The following VAT1L variants were observed in gnomAD, a reference collection of about 807,000 sequenced individuals.
VAT1L encodes the protein putative NADPH-dependent quinone oxidoreductase VAT1L.
Under a neutral mutation model 44.1 loss-of-function variants are expected in VAT1L, and 34 were observed. That is an observed-to-expected ratio of 0.77 (90% CI 0.59 to 1.03). The LOEUF is 1.03. Ranked by LOEUF, VAT1L falls within the 50% of genes least tolerant of loss-of-function variation. The pLI is 0.00. For missense variants in VAT1L, 615 were observed against 538.8 expected (o/e 1.14, Z -1.40); for synonymous variants, 253 against 202.2 (o/e 1.25, Z -2.13).
At chr16:77,968,219 G>A (rs1185536455) in intron 7 of VAT1L, among the ~76,000 whole-genome samples, 1 of 152,118 alleles carries the variant, frequency 6.6e-6, no homozygotes, top group Non-Finnish European at 1.5e-5. Flanking sequence ...CAATTGGGGT[G>A]TTACAGGAAA....
intron 7 of VAT1L, among the ~76,000 whole-genome samples, chr16:77,954,637 T>C (rs1458168594): frequency 6.6e-6 from 1 of 152,048 alleles, no homozygotes; most frequent in Non-Finnish European, 1.5e-5. Flanking sequence ...AAATAAATAA[T>C]AAATAAATGG....
chr16:77,910,516 C>CA (rs944104037), intron 7 of VAT1L, among the ~76,000 whole-genome samples: 4 of 151,664 alleles, frequency 2.6e-5, no homozygotes, highest in Non-Finnish European at 4.4e-5. Context: ...ACTAAAAATA[C>CA]AAAAAATATT....
At chr16:77,874,209 G>A (rs1239257681) in intron 4 of VAT1L, among the ~76,000 whole-genome samples, 1 of 152,132 alleles carries the variant, frequency 6.6e-6, no homozygotes, top group Admixed American at 6.5e-5. Context: ...GCATCCTGCA[G>A]GCAAGGGGAG....
chr16:77,805,118 C>G (rs2016132613), intron 1 of VAT1L, among the ~76,000 whole-genome samples: 1 of 152,154 alleles, frequency 6.6e-6, no homozygotes, highest in Non-Finnish European at 1.5e-5. Context: ...TTTCCAGCCT[C>G]TGATTGAACA....
At chr16:77,791,551 A>C (rs2966072) in intron 1 of VAT1L, among the ~76,000 whole-genome samples, 139,742 of 152,258 alleles carry the variant, frequency 0.92, 64,169 homozygotes, top group East Asian at 0.99. Flanking sequence ...AAACATCAAA[A>C]AATAGTAGAC....
At chr16:77,924,603 T>C (rs1481240494) in intron 7 of VAT1L, among the ~76,000 whole-genome samples, 1 of 151,970 alleles carries the variant, frequency 6.6e-6, no homozygotes, top group Non-Finnish European at 1.5e-5. Flanking sequence ...TGGGATTACA[T>C]ACGTATGCCA....
intron 7 of VAT1L, among the ~76,000 whole-genome samples, chr16:77,885,744 C>T (rs190657412): frequency 2.6e-4 from 40 of 151,876 alleles, no homozygotes; most frequent in Middle Eastern, 3.4e-3. Context: ...ATAACAAGTA[C>T]GAAAGTTCTA....
intron 1 of VAT1L, among the ~76,000 whole-genome samples, chr16:77,789,685 C>T (rs1275139228): frequency 6.6e-6 from 1 of 152,154 alleles, no homozygotes; most frequent in Non-Finnish European, 1.5e-5. Context: ...TCCTCTGTTT[C>T]TCCGAGAGGG....
chr16:77,843,788 A>G (rs944999001), intron 3 of VAT1L, among the ~76,000 whole-genome samples: 2 of 152,182 alleles, frequency 1.3e-5, no homozygotes, highest in African/African-American at 2.4e-5. Flanking sequence ...CATACAACCT[A>G]TGCTCACTCA....
At chr16:77,973,613 G>A (rs1038918766) in intron 8 of VAT1L, among the ~76,000 whole-genome samples, 9 of 151,352 alleles carry the variant, frequency 5.9e-5, no homozygotes, top group African/African-American at 1.7e-4. Flanking sequence ...AAAAATATTC[G>A]GGAAGTGTTT....
At chr16:77,802,347 T>C (rs555429762) in intron 1 of VAT1L, among the ~76,000 whole-genome samples, 187 of 152,258 alleles carry the variant, frequency 1.2e-3, no homozygotes, top group African/African-American at 4.4e-3. Context: ...CGGGGCACCG[T>C]GGCCCACGCC....
At position 77,967,903 on chromosome 16, in the gene VAT1L, C is replaced by T. The variant is rs72796801; in HGVS notation, c.1078-3947C>T. Among the ~76,000 whole-genome samples, 739 of 152,202 alleles carry T rather than the reference C, an allele frequency of 4.9e-3. 1 individual carries two copies. Among genetic ancestry groups the T allele is most frequent in the Non-Finnish European group, 7.6e-3 (519 of 68,002 alleles). On this transcript the variant is annotated intron_variant, in intron 7 of 8. Coordinates refer to ENST00000302536, the MANE Select transcript of VAT1L (RefSeq NM_020927.3). ...GTCAAACAAAGCAGTACGGACTAGG[C>T]AGAACTGGGAAAGAGCTTTAGTTTT...
chr16:77,821,313 T>C (rs922785064), intron 2 of VAT1L, among the ~76,000 whole-genome samples: 41 of 151,784 alleles, frequency 2.7e-4, no homozygotes, highest in Middle Eastern at 3.2e-3. Context: ...TTTTTTTTTT[T>C]TTTCGAGATG....
At chr16:77,924,812 T>C (rs189655302) in intron 7 of VAT1L, among the ~76,000 whole-genome samples, 2 of 152,248 alleles carry the variant, frequency 1.3e-5, no homozygotes, top group East Asian at 3.9e-4. Flanking sequence ...CCTTCAATTT[T>C]TCCCCCTCTG....
intron 7 of VAT1L, among the ~76,000 whole-genome samples, chr16:77,889,913 C>T (rs1298575623): frequency 6.6e-6 from 1 of 151,930 alleles, no homozygotes; most frequent in Non-Finnish European, 1.5e-5. Context: ...AGGGTGAAGC[C>T]CCATCTCTAC....
At chr16:77,940,925 C>A (rs1287069365) in intron 7 of VAT1L, among the ~76,000 whole-genome samples, 2 of 152,290 alleles carry the variant, frequency 1.3e-5, no homozygotes, top group Non-Finnish European at 1.5e-5. Context: ...TCTGCTTTAA[C>A]ACCTCTTGAA....
At chr16:77,840,792 C>G (rs2016696585) in intron 3 of VAT1L, among the ~76,000 whole-genome samples, 1 of 152,176 alleles carries the variant, frequency 6.6e-6, no homozygotes, top group Non-Finnish European at 1.5e-5. Flanking sequence ...TCCTTCACCT[C>G]TCGAAGTCTC....
At chr16:77,942,339 C>T (rs1422708448) in intron 7 of VAT1L, among the ~76,000 whole-genome samples, 1 of 152,156 alleles carries the variant, frequency 6.6e-6, no homozygotes. Flanking sequence ...TTAGTTACCT[C>T]CCCCTGGTTC....
chr16:77,927,687 C>T (rs1401437791), intron 7 of VAT1L, among the ~76,000 whole-genome samples: 1 of 151,992 alleles, frequency 6.6e-6, no homozygotes, highest in Non-Finnish European at 1.5e-5. Context: ...ACCATCCTGG[C>T]TAACACAGTG....
Sources: gnomAD v4.1 joint callset for allele counts (sites outside exome capture counted in the v4.1 genomes callset) on GRCh38, gnomAD v4.1.1 for gene constraint, MANE v1.5 for transcripts, NCBI Gene and HGNC (gene_info 2026-07-23, HGNC 2026-07-21) for gene names.